Variants in AKAP12 observed in about 807,000 individuals in gnomAD.
AKAP12 encodes the protein A-kinase anchoring protein 12.
In AKAP12, 32 loss-of-function variants were observed where a neutral mutation model predicts 79.9. The observed-to-expected ratio is 0.40, with a 90% CI of 0.30 to 0.54. The LOEUF is 0.54. Ranked by LOEUF, AKAP12 falls within the 20% of genes least tolerant of loss-of-function variation. The pLI is 0.48. For missense variants in AKAP12, 2,074 were observed against 2,177.0 expected (o/e 0.95, Z 0.94); for synonymous variants, 808 against 857.0 (o/e 0.94, Z 1.00).
chr6:151,277,940 G>A (rs1447981866), intron 2 of AKAP12, among the ~76,000 whole-genome samples: 1 of 71,782 alleles, frequency 1.4e-5, no homozygotes, highest in Non-Finnish European at 3.0e-5. Context: ...TAGCTAATAG[G>A]TTTATGTGTG....
intron 3 of AKAP12, chr6:151,325,611 G>C (rs1445033824): frequency 3.7e-6 from 5 of 1,360,348 alleles, no homozygotes; most frequent in Non-Finnish European, 4.7e-6. Context: ...CCGCGTGTGG[G>C]TGGCTGGGTG....
At chr6:151,325,703 A>ACCTCCGGTTCTCCCCCAT in intron 3 of AKAP12, 1 of 1,465,068 alleles carries the variant, frequency 6.8e-7, no homozygotes, top group Non-Finnish European at 9.0e-7. Flanking sequence ...CTCCGAGGGC[A>ACCTCCGGTTCTCCCCCAT]CCTCCGGTTC....
At chr6:151,248,731 T>A (rs1271168524) in intron 2 of AKAP12, among the ~76,000 whole-genome samples, 1 of 152,200 alleles carries the variant, frequency 6.6e-6, no homozygotes, top group Non-Finnish European at 1.5e-5. Flanking sequence ...GGCTCACGCC[T>A]GTAATCCCAG....
intron 2 of AKAP12, among the ~76,000 whole-genome samples, chr6:151,267,001 C>T (rs374503717): frequency 2.6e-5 from 3 of 115,282 alleles, no homozygotes; most frequent in African/African-American, 1.1e-4. Flanking sequence ...GCGGACAGAG[C>T]GAGACTCCAT....
chr6:151,304,197 G>C (rs1776924473), intron 2 of AKAP12, among the ~76,000 whole-genome samples: 1 of 151,806 alleles, frequency 6.6e-6, no homozygotes, highest in Admixed American at 6.6e-5. Context: ...TTAAAAATAC[G>C]ACCAAGAGCA....
chr6:151,307,314 T>TA (rs1776997229), intron 3 of AKAP12, among the ~76,000 whole-genome samples: 1 of 152,150 alleles, frequency 6.6e-6, no homozygotes, highest in African/African-American at 2.4e-5. Context: ...CAAAACCACT[T>TA]AACCACTGTG....
rs1778193982 is a variant in AKAP12, at chr6:151,349,017, C to T, written c.626C>T (p.Ala209Val). The T allele has an allele frequency of 6.2e-7, 1 of 1,613,182 alleles. No homozygotes were observed. The highest frequency in any genetic ancestry group is 1.3e-5 in the African/African-American group (1 of 74,848). The change falls in exon 4 of 5, where the codon GCA becomes GTA. Residue 209 changes from alanine to valine, a missense_variant. Coordinates refer to ENST00000402676, the MANE Select transcript of AKAP12 (RefSeq NM_005100.4). Reference protein sequence around the residue: ...LTVKKDEGEGAAGAGDHKDPS... With the variant: ...LTVKKDEGEGVAGAGDHKDPS... ...GTGAAGAAAGATGAAGGGGAGGGAGCAGCAGGGGCTGGCGACCACAAGGAC... is the reference window on the plus strand; with the variant it reads ...GTGAAGAAAGATGAAGGGGAGGGAGTAGCAGGGGCTGGCGACCACAAGGAC...
At chr6:151,348,680 T>TAA in intron 3 of AKAP12, 31 bp from the exon 4 acceptor site, 1 of 355,200 alleles carries the variant, frequency 2.8e-6, no homozygotes, top group South Asian at 3.0e-5. Context: ...TTTTCTCTTC[T>TAA]CCCCACCCCC....
Position 151,348,875 on chromosome 6 carries a change from C to G in AKAP12, c.484C>G (p.Pro162Ala). ...AAGCAATTTAGAAGAGCTAACACAA[C>G]CCACTGAGTCCCAGGCTAATGATAT... ...SESNLEELTQ[P>A]TESQANDIGF... The change falls in exon 4 of 5, where the codon CCC (proline) becomes GCC (alanine). Residue 162 changes from proline (P) to alanine (A), a missense_variant. Transcript: ENST00000402676. The G allele has an allele frequency of 1.9e-6, 3 of 1,614,086 alleles. No individual in the cohort carries two copies. The highest frequency in any genetic ancestry group is 2.5e-6 in the Non-Finnish European group (3 of 1,180,018).
chr6:151,348,472 C>G, intron 3 of AKAP12: 1 of 580,886 alleles, frequency 1.7e-6, no homozygotes, highest in Non-Finnish European at 3.1e-6. Context: ...GATCTCATCT[C>G]TACAGAAAAT....
At chr6:151,323,701 GTT>G (rs2114782838) in intron 3 of AKAP12, 1 of 985,302 alleles carries the variant, frequency 1.0e-6, no homozygotes, top group African/African-American at 1.7e-5. Context: ...CATTTTGTGT[GTT>G]TTTCTTTTTC....
Position 151,357,312 on chromosome 6 carries a change from C to CAT in AKAP12, c.*1599_*1600dup, listed in dbSNP as rs1353451748. The CAT allele has an allele frequency of 6.6e-6, 1 of 152,310 alleles. No individual in the cohort carries two copies. The highest frequency in any genetic ancestry group is 1.5e-5 in the Non-Finnish European group (1 of 68,142). The allele number at this position is 152,310 out of a possible 1,614,324, so 9.4% of individuals were successfully genotyped here. On this transcript the variant is annotated 3_prime_UTR_variant, in exon 5 of 5. Coordinates refer to ENST00000402676, the MANE Select transcript of AKAP12 (RefSeq NM_005100.4). The stretch of plus-strand genomic sequence containing the variant: ...CCAGCGATTCTCCTGCCTCAGCCTA[C>CAT]ATTAAGGGTTTTGTCAGACAATTGT...
rs542948957 is a variant in AKAP12, at chr6:151,277,363, C to A, written c.163-28384C>A. On this transcript the variant is annotated intron_variant, in intron 2 of 4. Transcript: ENST00000402676. ...GAGAGGAGTACTCGTATGATAACCA[C>A]ACCTATAGACAAAAATCCTGGTTCC... Among the ~76,000 whole-genome samples the A allele has an allele frequency of 2.6e-5, 4 of 152,296 alleles. No individual in the cohort carries two copies. The South Asian group carries it at 8.3e-4, about 32-fold the overall frequency.
chr6:151,303,161 A>G (rs1191677487), intron 2 of AKAP12, among the ~76,000 whole-genome samples: 1 of 152,060 alleles, frequency 6.6e-6, no homozygotes, highest in African/African-American at 2.4e-5. Flanking sequence ...CCATTGGACT[A>G]CCTGGGGGAC....
chr6:151,340,765 T>G (rs1347764570), intron 3 of AKAP12, among the ~76,000 whole-genome samples: 1 of 120,926 alleles, frequency 8.3e-6, no homozygotes, highest in African/African-American at 4.7e-5. Context: ...CCCATTGTGT[T>G]TTTGCTTGAT....
At chr6:151,266,620 A>G (rs1451763790) in intron 2 of AKAP12, among the ~76,000 whole-genome samples, 1 of 152,208 alleles carries the variant, frequency 6.6e-6, no homozygotes, top group Non-Finnish European at 1.5e-5. Context: ...AGTGCTGCTA[A>G]TTCTGGAAAT....
chr6:151,325,198 A>T, intron 3 of AKAP12: 1 of 985,422 alleles, frequency 1.0e-6, no homozygotes, highest in East Asian at 1.1e-4. Flanking sequence ...GATGGTGAAA[A>T]TATCAAATGC....
At chr6:151,242,461 T>C (rs1434348485) in intron 2 of AKAP12, among the ~76,000 whole-genome samples, 2 of 152,262 alleles carry the variant, frequency 1.3e-5, no homozygotes, top group African/African-American at 4.8e-5. Context: ...ATCATTGAAC[T>C]TGTTGGCATA....
intron 2 of AKAP12, among the ~76,000 whole-genome samples, 167 bp downstream of exon 2, chr6:151,240,891 C>T (rs928537932): frequency 5.9e-5 from 9 of 152,184 alleles, no homozygotes; most frequent in Admixed American, 3.9e-4. Context: ...CAGGGTCTTT[C>T]GCGCCGGGGC....
Sources: allele counts gnomAD v4.1 joint callset (sites outside exome capture counted in the v4.1 genomes callset), GRCh38; gene constraint gnomAD v4.1.1; transcripts MANE v1.5; gene names NCBI Gene and HGNC (gene_info 2026-07-23, HGNC 2026-07-21).